Variants in PCDHA2 observed in about 807,000 individuals in gnomAD.
PCDHA2 encodes the protein protocadherin alpha-2.
In PCDHA2, 58 loss-of-function variants were observed where a neutral mutation model predicts 66.0. That is an observed-to-expected ratio of 0.88 (90% CI 0.71 to 1.09). The LOEUF (loss-of-function observed/expected upper bound fraction) is 1.09, where lower values mean the gene tolerates loss of function less well. Ranked by LOEUF, PCDHA2 falls within the 50% of genes least tolerant of loss-of-function variation. The probability of loss-of-function intolerance (pLI) is 0.00; values close to 1 mark genes in which losing one functional copy is unlikely to be tolerated. For missense variants in PCDHA2, 1,267 were observed against 1,242.3 expected (o/e 1.02, Z -0.30); for synonymous variants, 634 against 554.0 (o/e 1.14, Z -2.03).
At chr5:140,993,509 C>T (rs930990761) in intron 3 of PCDHA2, among the ~76,000 whole-genome samples, 23 of 143,490 alleles carry the variant, frequency 1.6e-4, no homozygotes, top group Admixed American at 3.5e-4. Context: ...CACACACACA[C>T]GGGGAGAGAG....
At chr5:140,856,839 A>T in intron 1 of PCDHA2, 1 of 1,592,670 alleles carries the variant, frequency 6.3e-7, no homozygotes, top group Non-Finnish European at 8.6e-7. Context: ...ATACGGCTCA[A>T]CGCTTCTGAT....
At chr5:140,950,872 T>C (rs782492363) in intron 1 of PCDHA2, among the ~76,000 whole-genome samples, 14 of 152,210 alleles carry the variant, frequency 9.2e-5, no homozygotes, top group Middle Eastern at 3.4e-3. Context: ...ATATTCTATA[T>C]TGTTCAATAG....
In PCDHA2 at chr5:140,797,231, A is replaced by T. The variant is rs781865223; in HGVS notation, c.2267A>T (p.Gln756Leu). Reference sequence around the variant, plus strand: ...TGGTCTTACTCGCAGCAGAGGCGGCAGAGGGTGTGCTCTGGGGAGGACCCC... The same window carrying T: ...TGGTCTTACTCGCAGCAGAGGCGGCTGAGGGTGTGCTCTGGGGAGGACCCC... ...GSWSYSQQRR[Q>L]RVCSGEDPPK... Residue 756 changes from glutamine (Q) to leucine (L), a missense_variant, in exon 1 of 4, where the codon CAG (glutamine) becomes CTG (leucine). By Grantham distance (113) the Gln-to-Leu change is moderately radical. Transcript: ENST00000526136. 2 of 1,614,198 alleles carry T rather than the reference A, an allele frequency of 1.2e-6. No homozygotes were observed.
At position 140,805,409 on chromosome 5, in the gene PCDHA2, G is replaced by A. The variant is rs1051892117; in HGVS notation, c.2388+8057G>A. ...TGGTTTCTGTTTGATTCAGAAATTT[G>A]GTGGGTTTTTTGTTGTTGTTTTGGT... On this transcript the variant is annotated intron_variant, in intron 1 of 3. Coordinates refer to ENST00000526136, the MANE Select transcript of PCDHA2 (RefSeq NM_018905.3). 18 of 1,074,696 alleles carry A rather than the reference G, an allele frequency of 1.7e-5. No homozygotes were observed. In the African/African-American group the frequency reaches 3.0e-4, roughly 18 times the overall value. The allele number at this position is 1,074,696 out of a possible 1,614,324, so 66.6% of individuals were successfully genotyped here. A position where few individuals can be genotyped will look rare whatever the true frequency, so the allele number is the denominator to read the frequency against.
At chr5:140,988,989 G>C (rs981946293) in intron 3 of PCDHA2, 1 of 152,184 alleles carries the variant, frequency 6.6e-6, no homozygotes, top group Admixed American at 6.5e-5. Flanking sequence ...CTAATGCAGG[G>C]TAAGGAAATA....
At chr5:140,857,302 G>A in intron 1 of PCDHA2, 1 of 1,598,652 alleles carries the variant, frequency 6.3e-7, no homozygotes, top group South Asian at 1.1e-5. Flanking sequence ...AGAGGGTGTC[G>A]GCCTATGAGC....
chr5:140,850,333 C>G lies in PCDHA2; in HGVS notation c.2388+52981C>G, dbSNP rs2150480069. 3.1e-6 allele frequency: 5 copies of G among 1,597,624 alleles called. 1 individual carries two copies. The highest frequency in any genetic ancestry group is 4.3e-6 in the Non-Finnish European group (5 of 1,167,680). ...GCGTGGCTTTCATACGAGCTGCAGC[C>G]AGAAACGGCCAGCGCGAGCATCCCG... On this transcript the variant is annotated intron_variant, in intron 1 of 3. Coordinates refer to ENST00000526136, the MANE Select transcript of PCDHA2 (RefSeq NM_018905.3).
Position 140,797,273 on chromosome 5 carries a change from T to C in PCDHA2, c.2309T>C (p.Met770Thr). ...SGEDPPKTDL[M>T]AFSPSLSQGP... ...GAGGACCCCCCCAAGACGGACCTCATGGCCTTCAGCCCTAGCTTATCTCAA... is the reference window on the plus strand; with the variant it reads ...GAGGACCCCCCCAAGACGGACCTCACGGCCTTCAGCCCTAGCTTATCTCAA... Residue 770 changes from methionine (M) to threonine (T), a missense_variant, in exon 1 of 4, where the codon ATG (methionine) becomes ACG (threonine). Met to Thr is a moderately conservative substitution (Grantham distance 81, BLOSUM62 -1). Coordinates refer to ENST00000526136, the MANE Select transcript of PCDHA2 (RefSeq NM_018905.3). 1 of 1,614,226 alleles carries C rather than the reference T, an allele frequency of 6.2e-7. No individual in the cohort carries two copies.
intron 1 of PCDHA2, among the ~76,000 whole-genome samples, chr5:140,827,575 G>A (rs1173204419): frequency 6.6e-5 from 10 of 152,266 alleles, no homozygotes; most frequent in African/African-American, 2.4e-4. Flanking sequence ...CTATATAATA[G>A]CATGTCCTAG....
chr5:140,823,833 G>A, intron 1 of PCDHA2: 2 of 1,613,850 alleles, frequency 1.2e-6, no homozygotes, highest in Non-Finnish European at 1.7e-6. Flanking sequence ...CGGGCGCTGT[G>A]GGTCCCGAGG....
intron 1 of PCDHA2, chr5:140,815,403 C>G (rs1327128573): frequency 6.6e-6 from 1 of 151,940 alleles, no homozygotes; most frequent in African/African-American, 2.4e-5. Context: ...TTTTAAAACT[C>G]TTATAAAAAT....
At position 140,808,495 on chromosome 5, in the gene PCDHA2, G is replaced by C. The variant is rs375134546; in HGVS notation, c.2388+11143G>C. 4.7e-5 allele frequency: 76 copies of C among 1,614,062 alleles called. No homozygotes were observed. Among genetic ancestry groups the C allele is most frequent in the Admixed American group, 2.2e-4 (13 of 60,012 alleles). On this transcript the variant is annotated intron_variant, in intron 1 of 3. Coordinates refer to ENST00000526136, the MANE Select transcript of PCDHA2 (RefSeq NM_018905.3). ...GAGACGGGGGCTCGCCTTCGCTGTG[G>C]GCCACGGCCAGTGTTTCTGTGGAGG...
rs934191848 is a variant in PCDHA2 at position 140,866,248 on chromosome 5, C to A, written c.2388+68896C>A. 5.9e-5 allele frequency: 9 copies of A among 152,184 alleles called. 1 individual carries two copies. Among genetic ancestry groups the A allele is most frequent in the Admixed American group, 3.9e-4 (6 of 15,284 alleles). 9.4% of individuals were successfully genotyped at this position (152,184 alleles called of 1,614,324 possible). A position where few individuals can be genotyped will look rare whatever the true frequency, so the allele number is the denominator to read the frequency against. ...TAAATACTATATACCAAAAATGACACCCTTCTTTCTTTACTGTGAATAAAG... is the reference window on the plus strand; with the variant it reads ...TAAATACTATATACCAAAAATGACAACCTTCTTTCTTTACTGTGAATAAAG... On this transcript the variant is annotated intron_variant, in intron 1 of 3. Coordinates refer to ENST00000526136, the MANE Select transcript of PCDHA2 (RefSeq NM_018905.3).
intron 1 of PCDHA2, among the ~76,000 whole-genome samples, chr5:140,978,211 A>T (rs185344384): frequency 1.3e-5 from 2 of 152,340 alleles, no homozygotes; most frequent in African/African-American, 4.8e-5. Flanking sequence ...AACTAATGCA[A>T]AATGTATCAG....
At chr5:141,000,393 C>CTATAAATATA (rs1563650230) in intron 3 of PCDHA2, among the ~76,000 whole-genome samples, 1 of 52,856 alleles carries the variant, frequency 1.9e-5, no homozygotes, top group African/African-American at 9.2e-5. Flanking sequence ...CTCTCTCTCT[C>CTATAAATATA]TCTATATATA....
chr5:140,854,159 CAAA>C (rs59855104), intron 1 of PCDHA2: 332 of 340,956 alleles, frequency 9.7e-4, no homozygotes, highest in Non-Finnish European at 1.1e-3. Context: ...GATTCTGTCT[CAAA>C]AAAAAAAAAA....
chr5:140,905,399 A>AT (rs1414882789), intron 1 of PCDHA2, among the ~76,000 whole-genome samples: 8 of 152,142 alleles, frequency 5.3e-5, no homozygotes, highest in African/African-American at 1.9e-4. Context: ...CTGTGTGCCT[A>AT]TTTTTATACC....
At chr5:140,962,104 C>T (rs1387807188) in intron 1 of PCDHA2, among the ~76,000 whole-genome samples, 1 of 152,056 alleles carries the variant, frequency 6.6e-6, no homozygotes, top group Non-Finnish European at 1.5e-5. Context: ...CCAGGATGGT[C>T]TCGATCTCCT....
intron 1 of PCDHA2, among the ~76,000 whole-genome samples, chr5:140,925,279 C>T (rs1477579286): frequency 6.6e-6 from 1 of 152,058 alleles, no homozygotes; most frequent in African/African-American, 2.4e-5. Context: ...TCAGATTTTG[C>T]CTTTCAAATG....
Sources: allele counts gnomAD v4.1 joint callset (sites outside exome capture counted in the v4.1 genomes callset), GRCh38; gene constraint gnomAD v4.1.1; transcripts MANE v1.5; gene names NCBI Gene and HGNC (gene_info 2026-07-23, HGNC 2026-07-21).